Variants in VPS53 observed in about 807,000 individuals in gnomAD.
VPS53 encodes vacuolar protein sorting-associated protein 53 homolog.
In VPS53, 70 loss-of-function variants were observed where a neutral mutation model predicts 107.0. The observed-to-expected ratio is 0.65, with a 90% CI of 0.54 to 0.80. The LOEUF (loss-of-function observed/expected upper bound fraction) is 0.80, where lower values mean the gene tolerates loss of function less well. Ranked by LOEUF, VPS53 falls within the 30% of genes least tolerant of loss-of-function variation. The pLI is 0.00. For missense variants in VPS53, 917 were observed against 1,049.4 expected (o/e 0.87, Z 1.74); for synonymous variants, 409 against 393.3 (o/e 1.04, Z -0.47).
intron 13 of VPS53, among the ~76,000 whole-genome samples, chr17:578,113 C>T (rs1182469946): frequency 6.6e-6 from 1 of 151,936 alleles, no homozygotes; most frequent in East Asian, 1.9e-4. Flanking sequence ...CACTGCATTA[C>T]CAGAAAACCT....
At chr17:612,975 C>G (rs1280346446) in intron 11 of VPS53, among the ~76,000 whole-genome samples, 2 of 149,668 alleles carry the variant, frequency 1.3e-5, no homozygotes, top group Non-Finnish European at 3.0e-5. Flanking sequence ...AAAACCTGTA[C>G]AAATATTCAC....
intron 8 of VPS53, among the ~76,000 whole-genome samples, chr17:630,425 G>T (rs1969907656): frequency 6.6e-6 from 1 of 151,898 alleles, no homozygotes; most frequent in Admixed American, 6.6e-5. Context: ...TCACTTCTTT[G>T]ACCTTCATTT....
At chr17:650,948 T>C (rs1407239443) in intron 7 of VPS53, among the ~76,000 whole-genome samples, 1 of 152,174 alleles carries the variant, frequency 6.6e-6, no homozygotes, top group African/African-American at 2.4e-5. Context: ...AAAGCAGTTT[T>C]TAGAATAAAG....
At chr17:672,939 C>T (rs1291256819) in intron 4 of VPS53, among the ~76,000 whole-genome samples, 1 of 151,940 alleles carries the variant, frequency 6.6e-6, no homozygotes, top group African/African-American at 2.4e-5. Context: ...GGTGAAACCC[C>T]GTCTCTACTA....
chr17:697,631 G>C lies in VPS53; in HGVS notation c.219-147C>G, dbSNP rs540112841. Reference sequence around the variant, plus strand: ...AACCAAACATGTGTGAGTGGCATCAGGCAGGAGGAGGGCAGCGACAGCCGT... The same window carrying C: ...AACCAAACATGTGTGAGTGGCATCACGCAGGAGGAGGGCAGCGACAGCCGT... On this transcript the variant is annotated intron_variant, in intron 3 of 21. Coordinates refer to ENST00000437048, the MANE Select transcript of VPS53 (RefSeq NM_001128159.3). 3.2e-4 allele frequency: 212 copies of C among 662,078 alleles called. 1 individual carries two copies. In the African/African-American group the frequency reaches 3.4e-3, roughly 10 times the overall value. The allele number at this position is 662,078 out of a possible 1,614,324, so 41.0% of individuals were successfully genotyped here. A position where few individuals can be genotyped will look rare whatever the true frequency, so the allele number is the denominator to read the frequency against.
intron 14 of VPS53, among the ~76,000 whole-genome samples, chr17:561,046 A>G (rs1912915148): frequency 6.6e-6 from 1 of 152,004 alleles, no homozygotes. Context: ...GGAGGAGGAC[A>G]TAAGTGAATG....
chr17:585,670 A>G (rs1472720511), intron 13 of VPS53, among the ~76,000 whole-genome samples: 1 of 152,142 alleles, frequency 6.6e-6, no homozygotes, highest in Non-Finnish European at 1.5e-5. Context: ...AGGGAATAAA[A>G]AGATGAGGAA....
chr17:532,717 A>T (rs531672817), intron 19 of VPS53, 125 bp downstream of exon 19: 5 of 1,487,686 alleles, frequency 3.4e-6, no homozygotes, highest in Admixed American at 5.0e-5. Context: ...GTGAGTCATT[A>T]TACTGTCCCC....
intron 7 of VPS53, among the ~76,000 whole-genome samples, chr17:652,810 A>T (rs1337816451): frequency 6.6e-6 from 1 of 152,254 alleles, no homozygotes; most frequent in Non-Finnish European, 1.5e-5. Context: ...AATGGGGACA[A>T]CTGAGAGTTG....
chr17:655,968 A>C lies in VPS53; in HGVS notation c.373-15T>G. On this transcript the variant is annotated splice_polypyrimidine_tract_variant and intron_variant, in intron 5 of 21. Transcript: ENST00000437048. ...ATTTCTTTCACCTAAACATTGAAAA[A>C]CCACAAGAAAGAAAGGAAGACGGTC... The C allele has an allele frequency of 1.2e-6, 2 of 1,606,164 alleles. No individual in the cohort carries two copies. Among genetic ancestry groups the C allele is most frequent in the Non-Finnish European group, 1.7e-6 (2 of 1,174,616 alleles).
chr17:560,735 A>G (rs1327976850), intron 14 of VPS53, among the ~76,000 whole-genome samples, 162 bp from the exon 15 acceptor site: 2 of 152,216 alleles, frequency 1.3e-5, no homozygotes. Context: ...CCTTACCTTG[A>G]CACCGTCAGA....
intron 4 of VPS53, among the ~76,000 whole-genome samples, chr17:693,686 A>G (rs1262420670): frequency 6.6e-6 from 1 of 152,220 alleles, no homozygotes; most frequent in Non-Finnish European, 1.5e-5. Flanking sequence ...GTGAAAAATG[A>G]TTGCACTCCA....
At chr17:542,292 C>T (rs1011661873) in intron 17 of VPS53, among the ~76,000 whole-genome samples, 8 of 152,122 alleles carry the variant, frequency 5.3e-5, no homozygotes, top group Non-Finnish European at 1.2e-4. Context: ...CCTAAGGAAG[C>T]GTAACTGCTA....
chr17:634,738 T>G (rs1386012141), intron 7 of VPS53, among the ~76,000 whole-genome samples: 2 of 152,134 alleles, frequency 1.3e-5, no homozygotes, highest in Non-Finnish European at 2.9e-5. Context: ...TCCTTTTTTA[T>G]GGCTGCATAG....
intron 19 of VPS53, among the ~76,000 whole-genome samples, chr17:528,468 T>G (rs1909281892): frequency 6.6e-6 from 1 of 152,234 alleles, no homozygotes; most frequent in African/African-American, 2.4e-5. Context: ...CTTGTATGGA[T>G]AGACCACATT....
At chr17:572,529 G>A (rs1225980559) in intron 13 of VPS53, among the ~76,000 whole-genome samples, 2 of 152,028 alleles carry the variant, frequency 1.3e-5, no homozygotes, top group East Asian at 3.9e-4. Flanking sequence ...TGGGACGTGT[G>A]CCCAAGAGCT....
intron 13 of VPS53, among the ~76,000 whole-genome samples, chr17:575,044 C>T (rs979627564): frequency 1.3e-5 from 2 of 152,312 alleles, no homozygotes; most frequent in South Asian, 4.1e-4. Flanking sequence ...CTGCTGGGCA[C>T]GTGCCCACTG....
chr17:606,572 A>T (rs1158098144), intron 11 of VPS53, among the ~76,000 whole-genome samples: 1 of 152,072 alleles, frequency 6.6e-6, no homozygotes, highest in Non-Finnish European at 1.5e-5. Context: ...CCACGGTACA[A>T]GGCGGTTCCA....
rs756959823 is a variant in VPS53 at position 714,591 on chromosome 17, C to G, written c.87+32G>C. 4 of 1,588,342 alleles carry G rather than the reference C, an allele frequency of 2.5e-6. No individual in the cohort carries two copies. In the South Asian group the frequency reaches 3.4e-5, roughly 13 times the overall value. On this transcript the variant is annotated intron_variant, in intron 1 of 21. Transcript: ENST00000437048. ...AGCTGCCGTCTCCCCTCCCGCACTC[C>G]CGTTTCCCCTCCTGAGGGGCGGAAC...
Sources: allele counts gnomAD v4.1 joint callset (sites outside exome capture counted in the v4.1 genomes callset), GRCh38; gene constraint gnomAD v4.1.1; transcripts MANE v1.5; gene names NCBI Gene and HGNC (gene_info 2026-07-23, HGNC 2026-07-21).